The following IFT140 variants were observed in gnomAD, a reference collection of about 807,000 sequenced individuals.
IFT140 encodes the protein intraflagellar transport 140, also known as intraflagellar transport protein 140 homolog.
Under a neutral mutation model 164.6 loss-of-function variants are expected in IFT140, and 133 were observed. That is an observed-to-expected ratio of 0.81 (90% CI 0.70 to 0.93). The LOEUF (loss-of-function observed/expected upper bound fraction) is 0.93. Ranked by LOEUF, IFT140 falls within the 40% of genes least tolerant of loss-of-function variation. IFT140 has a pLI of 0.00. For synonymous variants in IFT140, 860 were observed against 817.3 expected (o/e 1.05, Z -0.89); for missense variants, 2,045 against 1,972.3 (o/e 1.04, Z -0.70).
chr16:1,556,625 C>T (rs980907943), intron 19 of IFT140, among the ~76,000 whole-genome samples: 2 of 152,194 alleles, frequency 1.3e-5, no homozygotes, highest in African/African-American at 2.4e-5. Context: ...AAAGCATTTA[C>T]GGACTGACTG....
rs761624938 is a variant in IFT140 at position 1,592,624 on chromosome 16, TC to T, written c.370-37del. ...CCAACACCACGTGTTAGGACAGGTG[TC>T]CCGGCAGAGCGACTGGTGGAGGGAC... On this transcript the variant is annotated intron_variant, in intron 4 of 30. Coordinates refer to ENST00000426508, the MANE Select transcript of IFT140 (RefSeq NM_014714.4). 4.4e-6 allele frequency: 7 copies of T among 1,588,030 alleles called. No individual in the cohort carries two copies. The Admixed American group carries it at 5.1e-5, about 12-fold the overall frequency.
At chr16:1,541,133 G>A in intron 19 of IFT140, 1 of 985,436 alleles carries the variant, frequency 1.0e-6, no homozygotes, top group Non-Finnish European at 1.2e-6. Flanking sequence ...GCATCCATGT[G>A]CCCTGCCCAC....
chr16:1,608,326 T>A (rs1177575047), intron 2 of IFT140, among the ~76,000 whole-genome samples: 2 of 152,214 alleles, frequency 1.3e-5, no homozygotes, highest in East Asian at 3.8e-4. Context: ...AGAACATACT[T>A]GTAGCCGGGT....
At chr16:1,609,476 A>C (rs1008416330) in intron 2 of IFT140, among the ~76,000 whole-genome samples, 5 of 152,168 alleles carry the variant, frequency 3.3e-5, no homozygotes, top group Admixed American at 6.5e-5. Flanking sequence ...ACTTTACCGT[A>C]AATGTGAGTT....
intron 13 of IFT140, among the ~76,000 whole-genome samples, chr16:1,576,361 G>C (rs185505363): frequency 6.6e-4 from 100 of 151,758 alleles, no homozygotes; most frequent in Middle Eastern, 6.8e-3. Flanking sequence ...GGAGGCCGAG[G>C]CGGGCAGATC....
chr16:1,558,610 C>T (rs1008168373), intron 18 of IFT140, among the ~76,000 whole-genome samples: 1 of 152,240 alleles, frequency 6.6e-6, no homozygotes, highest in African/African-American at 2.4e-5. Context: ...TCTTCTTACA[C>T]CCAGTTCCTG....
intron 1 of IFT140, among the ~76,000 whole-genome samples, chr16:1,611,490 CAAA>C (rs150781872): frequency 9.2e-5 from 8 of 86,762 alleles, no homozygotes; most frequent in Admixed American, 2.6e-4. Context: ...CAGAGCGAGT[CAAA>C]AAAAAAAAAA....
chr16:1,604,915 T>C (rs2035982577), intron 3 of IFT140, among the ~76,000 whole-genome samples: 1 of 151,762 alleles, frequency 6.6e-6, no homozygotes, highest in Admixed American at 6.6e-5. Flanking sequence ...CCCATCTCAG[T>C]GAGCAGGAGA....
chr16:1,576,954 A>G (rs536856506), intron 13 of IFT140: 3 of 152,308 alleles, frequency 2.0e-5, no homozygotes, highest in African/African-American at 7.2e-5. Flanking sequence ...GATCCCCTTA[A>G]AATGTTGTGC....
intron 4 of IFT140, among the ~76,000 whole-genome samples, chr16:1,597,625 C>T (rs2035531701): frequency 1.3e-5 from 2 of 152,240 alleles, no homozygotes; most frequent in East Asian, 1.9e-4. Context: ...TTGATTACTT[C>T]TCTTCCTGCT....
At chr16:1,601,410 T>C (rs1315145981) in intron 4 of IFT140, among the ~76,000 whole-genome samples, 1 of 152,172 alleles carries the variant, frequency 6.6e-6, no homozygotes, top group Admixed American at 6.6e-5. Flanking sequence ...GCACTGTCAC[T>C]GTTACATTTC....
intron 8 of IFT140, 96 bp downstream of exon 8, chr16:1,587,837 A>C: frequency 1.1e-6 from 1 of 935,922 alleles, no homozygotes; most frequent in Non-Finnish European, 1.6e-6. Flanking sequence ...TCATATGTGC[A>C]TTTTACATAT....
At position 1,588,321 on chromosome 16, in the gene IFT140, C is replaced by T. The variant is rs1354119994; in HGVS notation, c.811-297G>A. ...CAGGCGGATCATGAGGTCAGGAGAT[C>T]AAGACCATCCTGGCTAACACAGTGA... On this transcript the variant is annotated intron_variant, in intron 7 of 30. Coordinates refer to ENST00000426508, the MANE Select transcript of IFT140 (RefSeq NM_014714.4). Among the ~76,000 whole-genome samples, 3 of 152,024 alleles carry T rather than the reference C, an allele frequency of 2.0e-5. No individual in the cohort carries two copies. In the East Asian group the frequency reaches 5.8e-4, roughly 29 times the overall value.
chr16:1,525,822 C>T, intron 21 of IFT140, 65 bp downstream of exon 21: 1 of 1,426,448 alleles, frequency 7.0e-7, no homozygotes. Flanking sequence ...ACAGCACACA[C>T]AAGAGGCCTC....
intron 13 of IFT140, chr16:1,577,847 C>G (rs1194716983): frequency 2.6e-5 from 4 of 151,952 alleles, no homozygotes; most frequent in African/African-American, 9.7e-5. Context: ...AAAAGCAGAA[C>G]CCCAACTTAA....
At chr16:1,554,111 T>C in intron 19 of IFT140, 1 of 1,287,122 alleles carries the variant, frequency 7.8e-7, no homozygotes, top group Non-Finnish European at 1.0e-6. Context: ...CGAGAAGCAC[T>C]GACTCGGAAG....
chr16:1,607,261 G>A lies in IFT140; in HGVS notation c.6C>T (p.Ala2=), dbSNP rs780519819. The change falls in exon 3 of 31, where the codon GCC becomes GCT. Residue 2 remains alanine (A), a synonymous_variant. Coordinates refer to ENST00000426508, the MANE Select transcript of IFT140 (RefSeq NM_014714.4). ...CTTCTATCTGGTGGTCATAATAGAG[G>A]GCCATGACGGAACTCAGGCCTCCTC... M[A]LYYDHQIEAP... 1.9e-6 allele frequency: 3 copies of A among 1,613,324 alleles called. No individual in the cohort carries two copies. Among genetic ancestry groups the A allele is most frequent in the Admixed American group, 1.7e-5 (1 of 59,838 alleles).
In IFT140 at chr16:1,524,873, C is replaced by T. The variant is rs143720412; in HGVS notation, c.2908G>A (p.Glu970Lys). 2.0e-5 allele frequency: 32 copies of T among 1,612,376 alleles called. No individual in the cohort carries two copies. Among genetic ancestry groups the T allele is most frequent in the Middle Eastern group, 1.7e-4 (1 of 6,054 alleles). ...TAGTAGTGCAGCGCGGCGTCCATCT[C>T]GCCCTGGCTCTCCAGGTACTGCGCC... ...WWAQYLESQG[E>K]MDAALHYYEL... is the part of the protein sequence containing the mutation. The change falls in exon 23 of 31, where the codon GAG becomes AAG. Residue 970 changes from glutamate to lysine, a missense_variant. Coordinates refer to ENST00000426508, the MANE Select transcript of IFT140 (RefSeq NM_014714.4).
chr16:1,556,685 A>G lies in IFT140; in HGVS notation c.2399+1250T>C, dbSNP rs908512425. On this transcript the variant is annotated intron_variant, in intron 19 of 30. Transcript: ENST00000426508. The stretch of plus-strand genomic sequence containing the variant: ...GTAGAAATACCAGATTCACGTCCAC[A>G]GTACACACTAGCAGGGATAGTTGAC... Among the ~76,000 whole-genome samples the G allele has an allele frequency of 2.0e-5, 3 of 152,380 alleles. No individual in the cohort carries two copies. The South Asian group carries it at 6.2e-4, about 32-fold the overall frequency.
Sources: allele counts gnomAD v4.1 joint callset (sites outside exome capture counted in the v4.1 genomes callset), GRCh38; gene constraint gnomAD v4.1.1; transcripts MANE v1.5; gene names NCBI Gene and HGNC (gene_info 2026-07-23, HGNC 2026-07-21).